CNTN4: variants seen among roughly 807,000 people sequenced by gnomAD.
The protein encoded by CNTN4 is contactin-4.
In CNTN4, 77 loss-of-function variants were observed where a neutral mutation model predicts 122.5. That is an observed-to-expected ratio of 0.63 (90% CI 0.52 to 0.76). The LOEUF (loss-of-function observed/expected upper bound fraction) is 0.76, where lower values mean the gene tolerates loss of function less well. Ranked by LOEUF, CNTN4 falls within the 30% of genes least tolerant of loss-of-function variation. The pLI, the probability that CNTN4 is intolerant of heterozygous loss-of-function variation, is 0.00. For synonymous variants in CNTN4, 512 were observed against 447.0 expected (o/e 1.15, Z -1.83); for missense variants, 1,256 against 1,259.1 (o/e 1.00, Z 0.04).
intron 2 of CNTN4, among the ~76,000 whole-genome samples, chr3:2,141,277 A>T (rs1030686511): frequency 1.2e-4 from 18 of 152,178 alleles, no homozygotes; most frequent in Non-Finnish European, 8.8e-5. Flanking sequence ...TGAGGAAAAA[A>T]TTCTGGATTA....
intron 2 of CNTN4, among the ~76,000 whole-genome samples, chr3:2,303,254 G>A (rs1278768436): frequency 6.6e-6 from 1 of 152,080 alleles, no homozygotes; most frequent in African/African-American, 2.4e-5. Flanking sequence ...TTTTTAAAGT[G>A]TACAATTTAG....
intron 10 of CNTN4, among the ~76,000 whole-genome samples, chr3:2,898,456 C>A (rs1381214948): frequency 1.3e-5 from 2 of 152,174 alleles, no homozygotes; most frequent in South Asian, 4.1e-4. Context: ...TGGGAAGAGA[C>A]AGAATGAGCC....
chr3:2,422,548 A>T (rs1416899891), intron 3 of CNTN4, among the ~76,000 whole-genome samples: 1 of 152,230 alleles, frequency 6.6e-6, no homozygotes, highest in Non-Finnish European at 1.5e-5. Context: ...AAGTGCTTAT[A>T]TCTAAAGCCA....
chr3:2,260,684 C>T (rs999322157), intron 2 of CNTN4, among the ~76,000 whole-genome samples: 2 of 151,638 alleles, frequency 1.3e-5, no homozygotes, highest in Non-Finnish European at 2.9e-5. Context: ...CTTCCCATTA[C>T]AGATTTAAGT....
intron 3 of CNTN4, among the ~76,000 whole-genome samples, chr3:2,450,970 CCTAGGGAACA>C (rs1472605085): frequency 1.3e-5 from 2 of 152,172 alleles, no homozygotes; most frequent in Non-Finnish European, 2.9e-5. Flanking sequence ...CCTTCCTTTC[CCTAGGGAACA>C]AGTGAGGAAG....
intron 3 of CNTN4, among the ~76,000 whole-genome samples, chr3:2,388,422 C>G (rs1199919184): frequency 6.6e-6 from 1 of 152,176 alleles, no homozygotes; most frequent in African/African-American, 2.4e-5. Flanking sequence ...ACTGGCCTCC[C>G]TTCCTCTACT....
At chr3:2,631,866 A>C (rs78782669) in intron 4 of CNTN4, among the ~76,000 whole-genome samples, 11 of 104,650 alleles carry the variant, frequency 1.1e-4, no homozygotes, top group Admixed American at 9.3e-4. Flanking sequence ...GTATCTCTAC[A>C]AAAAAAAAAA....
chr3:2,349,821 T>C (rs905481979), intron 3 of CNTN4, among the ~76,000 whole-genome samples: 4 of 152,182 alleles, frequency 2.6e-5, no homozygotes, highest in African/African-American at 4.8e-5. Context: ...ACATTGAGAA[T>C]GTTGAAACAA....
chr3:2,244,251 GTCTC>G (rs1278691754), intron 2 of CNTN4, among the ~76,000 whole-genome samples: 3 of 152,046 alleles, frequency 2.0e-5, no homozygotes, highest in African/African-American at 4.8e-5. Flanking sequence ...CTCTCTGTGT[GTCTC>G]TCTGTCATCT....
chr3:2,139,989 A>C (rs2125328007), intron 2 of CNTN4, among the ~76,000 whole-genome samples: 1 of 152,270 alleles, frequency 6.6e-6, no homozygotes, highest in South Asian at 2.1e-4. Context: ...TCATGGACAC[A>C]GGTCTTTACT....
intron 6 of CNTN4, among the ~76,000 whole-genome samples, chr3:2,755,685 G>T (rs1433979951): frequency 6.6e-6 from 1 of 152,114 alleles, no homozygotes; most frequent in African/African-American, 2.4e-5. Context: ...AGTCCAGTTT[G>T]GGGACTGATA....
intron 3 of CNTN4, among the ~76,000 whole-genome samples, chr3:2,361,599 G>A (rs1237648816): frequency 1.3e-5 from 2 of 152,194 alleles, no homozygotes; most frequent in Admixed American, 6.5e-5. Flanking sequence ...ATCACCTAAT[G>A]TGTTTATCCA....
intron 3 of CNTN4, among the ~76,000 whole-genome samples, chr3:2,546,985 G>A (rs1040738024): frequency 2.0e-5 from 3 of 152,064 alleles, no homozygotes; most frequent in East Asian, 1.9e-4. Context: ...GAGATCCCAC[G>A]TAATATTGAT....
At chr3:2,416,830 AT>A in intron 3 of CNTN4, among the ~76,000 whole-genome samples, 1 of 151,786 alleles carries the variant, frequency 6.6e-6, no homozygotes, top group Non-Finnish European at 1.5e-5. Flanking sequence ...ATTTTTTTGT[AT>A]TTTTAGTAGA....
intron 2 of CNTN4, among the ~76,000 whole-genome samples, chr3:2,125,851 A>C (rs1181127776): frequency 2.0e-5 from 3 of 151,254 alleles, no homozygotes; most frequent in African/African-American, 7.3e-5. Context: ...CCACAGCACC[A>C]GGCCTTCTAT....
At chr3:2,123,672 T>C (rs1044371951) in intron 2 of CNTN4, among the ~76,000 whole-genome samples, 1 of 152,186 alleles carries the variant, frequency 6.6e-6, no homozygotes, top group East Asian at 1.9e-4. Context: ...CTGTAATTAG[T>C]CGCTGACATA....
intron 3 of CNTN4, among the ~76,000 whole-genome samples, chr3:2,467,434 A>G (rs1042218006): frequency 2.0e-5 from 3 of 152,180 alleles, no homozygotes; most frequent in African/African-American, 4.8e-5. Context: ...ATTGAGTTAC[A>G]TGTGTGAAAT....
intron 4 of CNTN4, among the ~76,000 whole-genome samples, chr3:2,616,048 G>C (rs1031156387): frequency 6.7e-6 from 1 of 148,314 alleles, no homozygotes; most frequent in Non-Finnish European, 1.5e-5. Flanking sequence ...ATTAAGTTCC[G>C]GTATACATGT....
chr3:2,894,738 C>T (rs1173555172), intron 10 of CNTN4, among the ~76,000 whole-genome samples: 1 of 152,132 alleles, frequency 6.6e-6, no homozygotes, highest in Non-Finnish European at 1.5e-5. Flanking sequence ...AGAAATGAAT[C>T]TGTGTAAGGT....
Sources: gnomAD v4.1 joint callset for allele counts (sites outside exome capture counted in the v4.1 genomes callset) on GRCh38, gnomAD v4.1.1 for gene constraint, MANE v1.5 for transcripts, NCBI Gene and HGNC (gene_info 2026-07-23, HGNC 2026-07-21) for gene names.